GRIK1: variants seen among roughly 807,000 people sequenced by gnomAD.
The protein encoded by GRIK1 is glutamate ionotropic receptor kainate type subunit 1, also known as glutamate receptor ionotropic, kainate 1.
A neutral mutation model predicts 105.7 loss-of-function variants in GRIK1; 69 were observed. The observed-to-expected ratio is 0.65, with a 90% confidence interval of 0.54 to 0.80. The LOEUF (loss-of-function observed/expected upper bound fraction) is 0.80, where lower values mean the gene tolerates loss of function less well. Ranked by LOEUF, GRIK1 falls within the 30% of genes least tolerant of loss-of-function variation. GRIK1 has a pLI of 0.00. For synonymous variants in GRIK1, 438 were observed against 431.3 expected (o/e 1.02, Z -0.19); for missense variants, 1,109 against 1,167.3 (o/e 0.95, Z 0.73).
chr21:29,882,101 A>C (rs2069434628), intron 1 of GRIK1, among the ~76,000 whole-genome samples: 1 of 152,046 alleles, frequency 6.6e-6, no homozygotes, highest in Non-Finnish European at 1.5e-5. Flanking sequence ...AAACAAACAA[A>C]CAACAGTAAC....
intron 1 of GRIK1, among the ~76,000 whole-genome samples, chr21:29,930,449 C>T (rs1207250473): frequency 6.6e-6 from 1 of 152,160 alleles, no homozygotes; most frequent in Admixed American, 6.5e-5. Flanking sequence ...TTTTACCATC[C>T]TTTCCCCAAT....
intron 1 of GRIK1, among the ~76,000 whole-genome samples, chr21:29,857,247 C>T (rs550405350): frequency 3.2e-4 from 48 of 152,218 alleles, no homozygotes; most frequent in Non-Finnish European, 5.9e-4. Context: ...TGAAATAGTG[C>T]GATAGAAATG....
At chr21:29,876,112 A>ATATGTG (rs142408189) in intron 1 of GRIK1, among the ~76,000 whole-genome samples, 67,859 of 148,912 alleles carry the variant, frequency 0.46, 17,664 homozygotes, top group Non-Finnish European at 0.59. Flanking sequence ...GGAGATAGAT[A>ATATGTG]TGTGTGTGTG....
rs187491936 is a variant in GRIK1 at position 29,813,591 on chromosome 21, A to G, written c.119-119528T>C. Among the ~76,000 whole-genome samples the G allele has an allele frequency of 3.2e-4, 48 of 152,282 alleles. No homozygotes were observed. The East Asian group carries it at 9.3e-3, about 29-fold the overall frequency. On this transcript the variant is annotated intron_variant, in intron 1 of 17. Transcript: ENST00000327783. Reference sequence around the variant, plus strand: ...CTGAGTATTACAGACATTAAGATAAACATGAGTGTGTAGCATTAAAAAATA... The same window carrying G: ...CTGAGTATTACAGACATTAAGATAAGCATGAGTGTGTAGCATTAAAAAATA...
At position 29,756,695 on chromosome 21, in the gene GRIK1, A is replaced by G. The variant is rs563410266; in HGVS notation, c.119-62632T>C. 1.4e-3 allele frequency among the ~76,000 whole-genome samples: 216 copies of G among 152,256 alleles called. 2 individuals carry two copies. Among genetic ancestry groups the G allele is most frequent in the African/African-American group, 5.0e-3 (208 of 41,552 alleles). Reference sequence around the variant, plus strand: ...TCCTTACTATTAAAAACAAAAAACAAAAAACAAAAAAACAAAAAAAACTAG... The same window carrying G: ...TCCTTACTATTAAAAACAAAAAACAGAAAACAAAAAAACAAAAAAAACTAG... On this transcript the variant is annotated intron_variant, in intron 1 of 17. Transcript: ENST00000327783.
chr21:29,788,327 C>T (rs4817308), intron 1 of GRIK1, among the ~76,000 whole-genome samples: 5,251 of 152,210 alleles, frequency 0.034, 135 homozygotes, highest in Middle Eastern at 0.071. Context: ...AGATACCCAA[C>T]GCCATGTGGT....
intron 1 of GRIK1, among the ~76,000 whole-genome samples, chr21:29,708,521 C>T (rs2063969149): frequency 6.6e-6 from 1 of 152,178 alleles, no homozygotes; most frequent in Non-Finnish European, 1.5e-5. Flanking sequence ...GGTTCTTTCC[C>T]TTCGGAATAC....
At chr21:29,765,081 G>A (rs1208661791) in intron 1 of GRIK1, among the ~76,000 whole-genome samples, 1 of 152,154 alleles carries the variant, frequency 6.6e-6, no homozygotes, top group East Asian at 1.9e-4. Flanking sequence ...AAAAGATCAT[G>A]ACCTCTTTGC....
At chr21:29,708,337 T>G (rs1489337927) in intron 1 of GRIK1, among the ~76,000 whole-genome samples, 1 of 152,222 alleles carries the variant, frequency 6.6e-6, no homozygotes, top group Non-Finnish European at 1.5e-5. Flanking sequence ...ATTACTTTCT[T>G]ACTCATAATG....
At position 29,822,842 on chromosome 21, in the gene GRIK1, A is replaced by G. The variant is rs116384146; in HGVS notation, c.118+116541T>C. Among the ~76,000 whole-genome samples the G allele has an allele frequency of 7.3e-3, 1,117 of 152,118 alleles. 16 individuals carry two copies. The highest frequency in any genetic ancestry group is 0.026 in the African/African-American group (1,077 of 41,550). On this transcript the variant is annotated intron_variant, in intron 1 of 17. Coordinates refer to ENST00000327783, the MANE Select transcript of GRIK1 (RefSeq NM_001330994.2). ...AAGCCTCTATTTTTACTAGCTTGCT[A>G]CTATTTGGGTTTTCAATCACACTCA...
Position 29,671,428 on chromosome 21 carries a change from A to G in GRIK1, c.726+1555T>C, listed in dbSNP as rs193127869. Among the ~76,000 whole-genome samples the G allele has an allele frequency of 3.6e-3, 545 of 149,938 alleles. 8 individuals carry two copies. Among genetic ancestry groups the G allele is most frequent in the African/African-American group, 0.013 (518 of 40,646 alleles). On this transcript the variant is annotated intron_variant, in intron 4 of 17. Coordinates refer to ENST00000327783, the MANE Select transcript of GRIK1 (RefSeq NM_001330994.2). Reference sequence around the variant, plus strand: ...AATTTTTTTTTTTTTTTTTACTCTAATCATCCAGCACATAATAGAAACATT... The same window carrying G: ...AATTTTTTTTTTTTTTTTTACTCTAGTCATCCAGCACATAATAGAAACATT...
intron 1 of GRIK1, among the ~76,000 whole-genome samples, chr21:29,760,772 T>C (rs533123461): frequency 6.6e-6 from 1 of 152,324 alleles, no homozygotes; most frequent in African/African-American, 2.4e-5. Context: ...CTTTATACAG[T>C]TAAAGCTGTA....
At chr21:29,917,695 C>T (rs1170554799) in intron 1 of GRIK1, among the ~76,000 whole-genome samples, 1 of 151,956 alleles carries the variant, frequency 6.6e-6, no homozygotes, top group Non-Finnish European at 1.5e-5. Context: ...ATTGTAAAAA[C>T]CTAGGTTCTA....
At chr21:29,688,018 C>T (rs2063517347) in intron 3 of GRIK1, among the ~76,000 whole-genome samples, 1 of 152,180 alleles carries the variant, frequency 6.6e-6, no homozygotes, top group African/African-American at 2.4e-5. Context: ...AGGCAACATG[C>T]AAGATCTAAC....
At chr21:29,891,247 A>T (rs929134860) in intron 1 of GRIK1, among the ~76,000 whole-genome samples, 1 of 152,192 alleles carries the variant, frequency 6.6e-6, no homozygotes, top group Non-Finnish European at 1.5e-5. Flanking sequence ...TGTCATAAAA[A>T]GTGAAATATC....
chr21:29,588,646 A>G (rs556265990), intron 11 of GRIK1, among the ~76,000 whole-genome samples, 193 bp downstream of exon 11: 7 of 152,272 alleles, frequency 4.6e-5, no homozygotes, highest in Admixed American at 3.3e-4. Context: ...AATGCACCAT[A>G]TATTTTTATC....
intron 1 of GRIK1, among the ~76,000 whole-genome samples, chr21:29,846,469 GAA>G (rs1157264316): frequency 2.5e-3 from 123 of 48,376 alleles, no homozygotes; most frequent in African/African-American, 4.6e-3. Flanking sequence ...GAGAGAGAAA[GAA>G]AGAAAGAAAG....
chr21:29,923,089 A>T (rs1470025214), intron 1 of GRIK1, among the ~76,000 whole-genome samples: 3 of 152,124 alleles, frequency 2.0e-5, no homozygotes, highest in African/African-American at 7.2e-5. Context: ...TCCACAGGGA[A>T]TTTTGCTGTA....
At chr21:29,678,340 G>A (rs553617872) in intron 3 of GRIK1, among the ~76,000 whole-genome samples, 10 of 152,198 alleles carry the variant, frequency 6.6e-5, no homozygotes, top group African/African-American at 1.9e-4. Flanking sequence ...CATACATAGC[G>A]TTTTTCAGAA....
Sources: allele counts gnomAD v4.1 joint callset (sites outside exome capture counted in the v4.1 genomes callset), GRCh38; gene constraint gnomAD v4.1.1; transcripts MANE v1.5; gene names NCBI Gene and HGNC (gene_info 2026-07-23, HGNC 2026-07-21).